BNC2: variants seen among roughly 807,000 people sequenced by gnomAD.
BNC2 encodes basonuclin zinc finger protein 2, also known as zinc finger protein basonuclin-2.
A neutral mutation model predicts 76.3 loss-of-function variants in BNC2; 20 were observed. The observed-to-expected ratio is 0.26, with a 90% CI of 0.18 to 0.38. BNC2 has a LOEUF of 0.38. Ranked by LOEUF, BNC2 falls within the 10% of genes least tolerant of loss-of-function variation. The probability of loss-of-function intolerance (pLI) is 1.00; values close to 1 mark genes in which losing one functional copy is unlikely to be tolerated. For synonymous variants in BNC2, 582 were observed against 514.8 expected (o/e 1.13, Z -1.77); for missense variants, 1,382 against 1,399.8 (o/e 0.99, Z 0.20).
chr9:16,607,714 T>C (rs192728680), intron 3 of BNC2, among the ~76,000 whole-genome samples: 10 of 152,334 alleles, frequency 6.6e-5, no homozygotes, highest in Non-Finnish European at 1.2e-4. Flanking sequence ...TTAAGTCTTT[T>C]TGAAATCTAA....
At chr9:16,453,823 A>G (rs536980187) in intron 5 of BNC2, among the ~76,000 whole-genome samples, 25 of 152,260 alleles carry the variant, frequency 1.6e-4, no homozygotes, top group African/African-American at 5.8e-4. Context: ...AAAACAAAAC[A>G]AACAAAACCT....
chr9:16,692,425 G>A lies in BNC2; in HGVS notation c.330+35372C>T, dbSNP rs549216313. ...TAAAGTTGCTCAGTTACGTATCTCC[G>A]AGCCTTGTTTCCTGCACCTGTAAAA... On this transcript the variant is annotated intron_variant, in intron 3 of 6. Transcript: ENST00000380672. Among the ~76,000 whole-genome samples, 6 of 152,214 alleles carry A rather than the reference G, an allele frequency of 3.9e-5. No homozygotes were observed. In the South Asian group the frequency reaches 6.2e-4, roughly 16 times the overall value.
At chr9:16,780,768 C>A (rs1826131474) in intron 1 of BNC2, among the ~76,000 whole-genome samples, 1 of 151,946 alleles carries the variant, frequency 6.6e-6, no homozygotes, top group Non-Finnish European at 1.5e-5. Flanking sequence ...AAAAATAAAA[C>A]CCCTGTAAAC....
chr9:16,724,645 G>C (rs952475127), intron 3 of BNC2, among the ~76,000 whole-genome samples: 1 of 152,120 alleles, frequency 6.6e-6, no homozygotes, highest in African/African-American at 2.4e-5. Context: ...ATTGGCTTCA[G>C]ATTGTGATTA....
At chr9:16,827,598 C>A (rs954329171) in intron 1 of BNC2, among the ~76,000 whole-genome samples, 1 of 152,140 alleles carries the variant, frequency 6.6e-6, no homozygotes, top group Non-Finnish European at 1.5e-5. Context: ...TTCATGGTGA[C>A]TTAAGTGCAT....
chr9:16,769,558 A>C (rs1253015749), intron 1 of BNC2, among the ~76,000 whole-genome samples: 2 of 152,184 alleles, frequency 1.3e-5, no homozygotes, highest in African/African-American at 4.8e-5. Flanking sequence ...CAGGGAGGCC[A>C]TGCAGCTTAA....
intron 3 of BNC2, among the ~76,000 whole-genome samples, chr9:16,717,275 T>A (rs10738452): frequency 6.6e-6 from 1 of 151,948 alleles, no homozygotes; most frequent in Admixed American, 6.5e-5. Context: ...TCACATTACT[T>A]TCTTTAAAAT....
intron 3 of BNC2, among the ~76,000 whole-genome samples, chr9:16,605,150 CTCTA>C (rs1285780774): frequency 6.6e-6 from 1 of 152,210 alleles, no homozygotes; most frequent in Non-Finnish European, 1.5e-5. Flanking sequence ...AGATTGTGAC[CTCTA>C]TCTAATTCAC....
chr9:16,747,899 T>C (rs1045320829), intron 1 of BNC2, among the ~76,000 whole-genome samples: 3 of 152,226 alleles, frequency 2.0e-5, no homozygotes, highest in Non-Finnish European at 4.4e-5. Context: ...CCTTTCATAG[T>C]TAGTTATAAT....
intron 5 of BNC2, among the ~76,000 whole-genome samples, chr9:16,526,481 T>TC (rs1817806822): frequency 6.9e-6 from 1 of 144,394 alleles, no homozygotes; most frequent in African/African-American, 2.6e-5. Flanking sequence ...TTTTTTTTTT[T>TC]TTTTTTTTTT....
intron 5 of BNC2, among the ~76,000 whole-genome samples, chr9:16,454,466 A>C (rs1316468361): frequency 6.6e-6 from 1 of 152,076 alleles, no homozygotes; most frequent in Non-Finnish European, 1.5e-5. Context: ...ACACCCAGCT[A>C]ATTTTTTATT....
intron 3 of BNC2, among the ~76,000 whole-genome samples, chr9:16,652,512 C>G (rs1355176832): frequency 6.6e-6 from 1 of 152,090 alleles, no homozygotes; most frequent in Non-Finnish European, 1.5e-5. Flanking sequence ...GAAAAATTCA[C>G]TTTAATAAAA....
In BNC2 at chr9:16,539,185, CAG is replaced by C. The variant is rs1159492187; in HGVS notation, c.669+13343_669+13344del. ...AATACATTTTCCTGAATCCTCAAAA[CAG>C]GGGGAAAAAAACAAATAGAATATTT... On this transcript the variant is annotated intron_variant, in intron 5 of 6. Coordinates refer to ENST00000380672, the MANE Select transcript of BNC2 (RefSeq NM_017637.6). Among the ~76,000 whole-genome samples the C allele has an allele frequency of 5.3e-5, 8 of 152,028 alleles. 1 individual carries two copies. The highest frequency in any genetic ancestry group is 7.4e-5 in the Non-Finnish European group (5 of 67,952).
At chr9:16,583,712 C>T (rs947676693) in intron 3 of BNC2, among the ~76,000 whole-genome samples, 16 of 152,018 alleles carry the variant, frequency 1.1e-4, no homozygotes, top group Non-Finnish European at 2.4e-4. Flanking sequence ...AAATAAAAAA[C>T]AATCCTCCTC....
rs58174243 is a variant in BNC2 at position 16,412,720 on chromosome 9, G to GGA, written c.*6267_*6268dup. The GGA allele has an allele frequency of 0.074, 8,801 of 119,206 alleles. 570 individuals carry two copies. The highest frequency in any genetic ancestry group is 0.11 in the Non-Finnish European group (5,930 of 54,282). The allele number at this position is 119,206 out of a possible 1,614,324, so 7.4% of individuals were successfully genotyped here. A position where few individuals can be genotyped will look rare whatever the true frequency, so the allele number is the denominator to read the frequency against. ...AATAAGAGGGAAGGAGAGAGAGAGG[G>GGA]GAGAGAGAGAGAGAGAGAGAGAGAG... On this transcript the variant is annotated 3_prime_UTR_variant, in exon 7 of 7. Transcript: ENST00000380672.
At chr9:16,864,340 G>C (rs1452430882) in intron 1 of BNC2, among the ~76,000 whole-genome samples, 1 of 152,160 alleles carries the variant, frequency 6.6e-6, no homozygotes, top group Non-Finnish European at 1.5e-5. Context: ...ATATGATTTA[G>C]TCAGTACTAA....
At chr9:16,863,630 G>A (rs991686843) in intron 1 of BNC2, among the ~76,000 whole-genome samples, 3 of 152,212 alleles carry the variant, frequency 2.0e-5, no homozygotes, top group African/African-American at 7.2e-5. Context: ...AGGAGATGGA[G>A]GTTGCAGTGA....
chr9:16,625,524 C>G (rs981122739), intron 3 of BNC2, among the ~76,000 whole-genome samples: 1 of 152,158 alleles, frequency 6.6e-6, no homozygotes, highest in Non-Finnish European at 1.5e-5. Context: ...AATAAGGAAA[C>G]AGGGAGTGAA....
At chr9:16,865,747 C>A (rs1396170107) in intron 1 of BNC2, among the ~76,000 whole-genome samples, 2 of 152,056 alleles carry the variant, frequency 1.3e-5, no homozygotes, top group African/African-American at 2.4e-5. Flanking sequence ...ATGACGATAG[C>A]AAAAACTTAA....
Sources: gnomAD v4.1 joint callset for allele counts (sites outside exome capture counted in the v4.1 genomes callset) on GRCh38, gnomAD v4.1.1 for gene constraint, MANE v1.5 for transcripts, NCBI Gene and HGNC (gene_info 2026-07-23, HGNC 2026-07-21) for gene names.